GTF2A1L: variants seen among roughly 807,000 people sequenced by gnomAD.
GTF2A1L encodes the protein TFIIA-alpha and beta-like factor.
Under a neutral mutation model 49.7 loss-of-function variants are expected in GTF2A1L, and 48 were observed. The observed-to-expected ratio is 0.97, with a 90% CI of 0.77 to 1.23. The LOEUF (loss-of-function observed/expected upper bound fraction) is 1.23. Ranked by LOEUF, GTF2A1L falls within the 50% of genes most tolerant of loss-of-function variation. The pLI, the probability that GTF2A1L is intolerant of heterozygous loss-of-function variation, is 0.00. For missense variants in GTF2A1L, 736 were observed against 564.8 expected (o/e 1.30, Z -3.07); for synonymous variants, 246 against 193.5 (o/e 1.27, Z -2.25).
intron 6 of GTF2A1L, among the ~76,000 whole-genome samples, chr2:48,654,031 T>C (rs1000018638): frequency 6.6e-6 from 1 of 152,024 alleles, no homozygotes; most frequent in African/African-American, 2.4e-5. Context: ...AAACGTATGC[T>C]TATGAGAAAC....
chr2:48,674,988 C>G (rs1397705230), intron 8 of GTF2A1L, among the ~76,000 whole-genome samples: 2 of 151,894 alleles, frequency 1.3e-5, no homozygotes, highest in Non-Finnish European at 2.9e-5. Context: ...AGAAGATAGC[C>G]AAAAGAATGT....
chr2:48,643,972 T>C (rs1334409939), intron 4 of GTF2A1L, among the ~76,000 whole-genome samples: 1 of 152,130 alleles, frequency 6.6e-6, no homozygotes, highest in Non-Finnish European at 1.5e-5. Flanking sequence ...GTGCTGGGAT[T>C]ACAGGCGTGA....
At chr2:48,650,128 A>G (rs1572737650) in intron 6 of GTF2A1L, among the ~76,000 whole-genome samples, 1 of 152,294 alleles carries the variant, frequency 6.6e-6, no homozygotes, top group Non-Finnish European at 1.5e-5. Flanking sequence ...TAGTTCAAAG[A>G]TACATTGATA....
chr2:48,677,118 G>C (rs1159526317), intron 8 of GTF2A1L, among the ~76,000 whole-genome samples: 1 of 151,666 alleles, frequency 6.6e-6, no homozygotes, highest in Non-Finnish European at 1.5e-5. Context: ...TAATTATTAA[G>C]ATTTTTAATG....
rs1000613822 is a variant in GTF2A1L, at chr2:48,620,908, G to C, written c.79G>C (p.Ala27Pro). ...DVIEGVRNLF[A>P]EEGIEEQVLK... ...AATTGAAGGAGTTCGGAATCTATTTGCTGAAGAAGGTATAGAGGAACAAGT... is the reference window on the plus strand; with the variant it reads ...AATTGAAGGAGTTCGGAATCTATTTCCTGAAGAAGGTATAGAGGAACAAGT... The change falls in exon 2 of 9, where the codon GCT (alanine) becomes CCT (proline). Residue 27 changes from alanine (A) to proline (P), a missense_variant. Coordinates refer to ENST00000403751, the MANE Select transcript of GTF2A1L (RefSeq NM_006872.5). 5.6e-6 allele frequency: 9 copies of C among 1,606,784 alleles called. No homozygotes were observed. The East Asian group carries it at 1.4e-4, about 24-fold the overall frequency.
chr2:48,672,818 A>G (rs549178696), intron 8 of GTF2A1L, among the ~76,000 whole-genome samples: 67 of 152,368 alleles, frequency 4.4e-4, no homozygotes, highest in African/African-American at 1.5e-3. Flanking sequence ...TAAAGTATAC[A>G]ATTCAATGGT....
intron 6 of GTF2A1L, among the ~76,000 whole-genome samples, chr2:48,657,333 A>G (rs548389856): frequency 6.6e-6 from 1 of 152,152 alleles, no homozygotes; most frequent in South Asian, 2.1e-4. Flanking sequence ...TTTAGCTCCT[A>G]TTTGTAAGTG....
chr2:48,676,316 A>G (rs1420297739), intron 8 of GTF2A1L, among the ~76,000 whole-genome samples: 1 of 151,902 alleles, frequency 6.6e-6, no homozygotes, highest in Non-Finnish European at 1.5e-5. Flanking sequence ...CACTATGTAT[A>G]TAAGACATTT....
chr2:48,628,146 T>C lies in GTF2A1L; in HGVS notation c.247+6856T>C, dbSNP rs1472131741. Reference sequence around the variant, plus strand: ...CACTATGGATGGGCACCTGGATTGGTTGCATGTCATTGCTGTTGTGAATAG... The same window carrying C: ...CACTATGGATGGGCACCTGGATTGGCTGCATGTCATTGCTGTTGTGAATAG... On this transcript the variant is annotated intron_variant, in intron 3 of 8. Coordinates refer to ENST00000403751, the MANE Select transcript of GTF2A1L (RefSeq NM_006872.5). Among the ~76,000 whole-genome samples, 10 of 144,056 alleles carry C rather than the reference T, an allele frequency of 6.9e-5. 2 individuals are homozygous for C. Among genetic ancestry groups the C allele is most frequent in the African/African-American group, 2.5e-4 (10 of 40,476 alleles). The allele number at this position is 144,056 out of a possible 152,430, so 94.5% of individuals were successfully genotyped here.
chr2:48,669,655 A>T, intron 6 of GTF2A1L, 67 bp from the exon 7 acceptor site: 1 of 1,508,730 alleles, frequency 6.6e-7, no homozygotes, highest in Non-Finnish European at 8.8e-7. Flanking sequence ...GTTAATTTTA[A>T]ATTTGGATTC....
intron 6 of GTF2A1L, among the ~76,000 whole-genome samples, chr2:48,659,769 T>C (rs1024745954): frequency 6.6e-6 from 1 of 152,110 alleles, no homozygotes; most frequent in Non-Finnish European, 1.5e-5. Context: ...TCTTTTTGAG[T>C]TTTTAATTAT....
At chr2:48,662,666 T>C (rs1293583524) in intron 6 of GTF2A1L, among the ~76,000 whole-genome samples, 1 of 151,938 alleles carries the variant, frequency 6.6e-6, no homozygotes, top group Non-Finnish European at 1.5e-5. Context: ...TTTTTTTTTT[T>C]TTTTTTAACA....
chr2:48,659,468 G>T (rs185443670), intron 6 of GTF2A1L, among the ~76,000 whole-genome samples: 17 of 152,138 alleles, frequency 1.1e-4, no homozygotes, highest in African/African-American at 3.9e-4. Context: ...CATTCCTTGA[G>T]ATTTGAATTT....
chr2:48,663,851 G>A (rs773735631), intron 6 of GTF2A1L, among the ~76,000 whole-genome samples: 8 of 152,040 alleles, frequency 5.3e-5, no homozygotes, highest in South Asian at 4.1e-4. Context: ...GAACTCAAGC[G>A]ATCCTTTTGT....
At chr2:48,666,584 G>C (rs1005263687) in intron 6 of GTF2A1L, among the ~76,000 whole-genome samples, 1 of 147,048 alleles carries the variant, frequency 6.8e-6, no homozygotes, top group South Asian at 2.2e-4. Flanking sequence ...AACTTGTCAG[G>C]GTGTGTGTGT....
chr2:48,653,040 TAACATGGTGAAACC>T (rs1677952557), intron 6 of GTF2A1L, among the ~76,000 whole-genome samples: 1 of 151,620 alleles, frequency 6.6e-6, no homozygotes, highest in Admixed American at 6.6e-5. Context: ...TCATTCTGGC[TAACATGGTGAAACC>T]CCATCTCTAC....
chr2:48,649,377 A>C (rs1018419249), intron 6 of GTF2A1L, among the ~76,000 whole-genome samples: 1 of 152,018 alleles, frequency 6.6e-6, no homozygotes, highest in East Asian at 1.9e-4. Context: ...ATTGTTTCTC[A>C]TGTGGGATAA....
intron 8 of GTF2A1L, among the ~76,000 whole-genome samples, chr2:48,676,702 C>A: frequency 6.6e-6 from 1 of 151,522 alleles, no homozygotes; most frequent in Non-Finnish European, 1.5e-5. Context: ...ATCTGTCAAT[C>A]TTTAATTTTA....
chr2:48,678,536 A>G (rs1169917352), intron 8 of GTF2A1L, among the ~76,000 whole-genome samples: 1 of 152,064 alleles, frequency 6.6e-6, no homozygotes, highest in African/African-American at 2.4e-5. Flanking sequence ...CAGATCATAT[A>G]TTCCTAGGGC....
Sources: gnomAD v4.1 joint callset for allele counts (sites outside exome capture counted in the v4.1 genomes callset) on GRCh38, gnomAD v4.1.1 for gene constraint, MANE v1.5 for transcripts, NCBI Gene and HGNC (gene_info 2026-07-23, HGNC 2026-07-21) for gene names.